Variants in JARID2 observed in about 807,000 individuals in gnomAD.
The protein encoded by JARID2 is jumonji and AT-rich interaction domain containing 2.
Under a neutral mutation model 125.6 loss-of-function variants are expected in JARID2, and 21 were observed. That is an observed-to-expected ratio of 0.17 (90% CI 0.12 to 0.24). The LOEUF is 0.24. Ranked by LOEUF, JARID2 falls within the 10% of genes least tolerant of loss-of-function variation. JARID2 has a pLI of 1.00. For missense variants in JARID2, 1,303 were observed against 1,639.6 expected (o/e 0.79, Z 3.55); for synonymous variants, 736 against 661.6 (o/e 1.11, Z -1.73).
intron 3 of JARID2, among the ~76,000 whole-genome samples, chr6:15,426,019 A>G (rs1452541492): frequency 1.3e-5 from 2 of 152,150 alleles, no homozygotes; most frequent in Non-Finnish European, 2.9e-5. Context: ...TTCTCAGCCA[A>G]TCTAATGCAG....
At chr6:15,415,154 C>G (rs952873409) in intron 3 of JARID2, among the ~76,000 whole-genome samples, 19 of 152,246 alleles carry the variant, frequency 1.2e-4, no homozygotes, top group African/African-American at 4.3e-4. Context: ...TCAACAGGAT[C>G]ACGAGGCAGA....
chr6:15,463,079 T>C (rs1488109484), intron 4 of JARID2, among the ~76,000 whole-genome samples: 1 of 143,030 alleles, frequency 7.0e-6, no homozygotes, highest in East Asian at 1.9e-4. Flanking sequence ...CAAGTTCAGA[T>C]TTTTTTTACA....
intron 4 of JARID2, among the ~76,000 whole-genome samples, chr6:15,460,939 AG>A (rs1768416806): frequency 6.6e-6 from 1 of 152,202 alleles, no homozygotes; most frequent in African/African-American, 2.4e-5. Flanking sequence ...TCCTGACCTC[AG>A]GGTATCTGCC....
chr6:15,494,581 T>G (rs1047745779), intron 6 of JARID2, among the ~76,000 whole-genome samples: 1 of 152,074 alleles, frequency 6.6e-6, no homozygotes, highest in African/African-American at 2.4e-5. Context: ...GCTAATTTTT[T>G]GTATTTTTAG....
At chr6:15,417,150 G>A (rs1766266921) in intron 3 of JARID2, among the ~76,000 whole-genome samples, 1 of 152,212 alleles carries the variant, frequency 6.6e-6, no homozygotes, top group African/African-American at 2.4e-5. Context: ...TTATCTGTGG[G>A]TGAGTAGGGG....
Position 15,497,130 on chromosome 6 carries a change from C to A in JARID2, c.1905C>A (p.Leu635=), listed in dbSNP as rs1284727342. 2.6e-6 allele frequency: 4 copies of A among 1,559,400 alleles called. No individual in the cohort carries two copies. The highest frequency in any genetic ancestry group is 2.6e-6 in the Non-Finnish European group (3 of 1,152,050). Reference sequence around the variant, plus strand: ...GGCTGGCCTGCATCAAGAAGCACCTCAAATCTCAGGGCATCACCATGGACG... The same window carrying A: ...GGCTGGCCTGCATCAAGAAGCACCTAAAATCTCAGGGCATCACCATGGACG... ...VQRLACIKKH[L]KSQGITMDEL... Residue 635 remains leucine (L), a synonymous_variant, in exon 7 of 18, where the codon CTC becomes CTA. Coordinates refer to ENST00000341776, the MANE Select transcript of JARID2 (RefSeq NM_004973.4).
chr6:15,372,772 C>G (rs991408021), intron 1 of JARID2, among the ~76,000 whole-genome samples: 1 of 151,704 alleles, frequency 6.6e-6, no homozygotes, highest in Non-Finnish European at 1.5e-5. Context: ...TGAAGTGGCA[C>G]GATCTCAGCT....
At chr6:15,329,011 T>C (rs61268125) in intron 1 of JARID2, among the ~76,000 whole-genome samples, 9,692 of 152,192 alleles carry the variant, frequency 0.064, 636 homozygotes, top group African/African-American at 0.16. Flanking sequence ...GCTTTTTTTT[T>C]CTAGTTCTTC....
intron 3 of JARID2, among the ~76,000 whole-genome samples, chr6:15,442,498 G>T (rs950680154): frequency 6.6e-6 from 1 of 152,190 alleles, no homozygotes; most frequent in Non-Finnish European, 1.5e-5. Context: ...TCTGCCTTAA[G>T]ATCTATCTGC....
At position 15,355,387 on chromosome 6, in the gene JARID2, CTAATGT is replaced by C. The variant is rs1313531828; in HGVS notation, c.46-18725_46-18720del. Among the ~76,000 whole-genome samples the C allele has an allele frequency of 2.0e-5, 3 of 152,112 alleles. No homozygotes were observed. In the East Asian group the frequency reaches 5.8e-4, roughly 29 times the overall value. ...TTTTGCCTATTAGGTGATTTTATAT[CTAATGT>C]TAATACATTCTAGAACTTTCATATG... On this transcript the variant is annotated intron_variant, in intron 1 of 17. Transcript: ENST00000341776.
At chr6:15,336,653 T>C (rs1581427281) in intron 1 of JARID2, among the ~76,000 whole-genome samples, 2 of 88,042 alleles carry the variant, frequency 2.3e-5, no homozygotes, top group East Asian at 1.3e-3. Flanking sequence ...TCAGGATTCT[T>C]TTTTTTTTTT....
Position 15,443,416 on chromosome 6 carries a change from G to A in JARID2, c.324-8590G>A, listed in dbSNP as rs541179384. 5.5e-4 allele frequency among the ~76,000 whole-genome samples: 84 copies of A among 152,306 alleles called. 2 individuals are homozygous for A. The South Asian group carries it at 0.017, about 30-fold the overall frequency. On this transcript the variant is annotated intron_variant, in intron 3 of 17. Transcript: ENST00000341776. Reference sequence around the variant, plus strand: ...TTGCTACTATTTAATCTTTAAGGGAGTAGGGGAGTGGATTTTTGGAATTGT... The same window carrying A: ...TTGCTACTATTTAATCTTTAAGGGAATAGGGGAGTGGATTTTTGGAATTGT...
At chr6:15,363,264 A>C (rs181207614) in intron 1 of JARID2, among the ~76,000 whole-genome samples, 1 of 152,338 alleles carries the variant, frequency 6.6e-6, no homozygotes, top group Admixed American at 6.5e-5. Flanking sequence ...TGCTGTTCAA[A>C]CACCAGCACT....
chr6:15,339,589 G>A (rs1354284392), intron 1 of JARID2, among the ~76,000 whole-genome samples: 4 of 148,398 alleles, frequency 2.7e-5, no homozygotes, highest in African/African-American at 9.9e-5. Context: ...AGGCCGGAGT[G>A]CAATGGTGCG....
At position 15,487,478 on chromosome 6, in the gene JARID2, A is replaced by G; in HGVS notation, c.842A>G (p.Lys281Arg). 6.2e-7 allele frequency: 1 copy of G among 1,614,172 alleles called. No individual in the cohort carries two copies. Among genetic ancestry groups the G allele is most frequent in the Non-Finnish European group, 8.5e-7 (1 of 1,180,016 alleles). ...GCCCCCTCCACGGGTTCCTCGGCCAAGGGGCTTGCTGCCACCCATCACCAC... is the reference window on the plus strand; with the variant it reads ...GCCCCCTCCACGGGTTCCTCGGCCAGGGGGCTTGCTGCCACCCATCACCAC... ...AAAPSTGSSAKGLAATHHHPP... is the reference protein window; with the variant it reads ...AAAPSTGSSARGLAATHHHPP... The change falls in exon 6 of 18, where the codon AAG (lysine) becomes AGG (arginine). Residue 281 changes from lysine (K) to arginine (R), a missense_variant. Physicochemically the swap from Lys to Arg is conservative, Grantham distance 26 (BLOSUM62 2). Transcript: ENST00000341776.
intron 15 of JARID2, 47 bp from the exon 16 acceptor site, chr6:15,513,192 A>G: frequency 5.1e-6 from 8 of 1,557,516 alleles, no homozygotes; most frequent in Non-Finnish European, 7.0e-6. Context: ...GCTGGTGAGC[A>G]TGGCAGGCCG....
At chr6:15,386,223 A>C (rs572806143) in intron 2 of JARID2, among the ~76,000 whole-genome samples, 21 of 151,040 alleles carry the variant, frequency 1.4e-4, no homozygotes, top group Admixed American at 9.9e-4. Flanking sequence ...CCAGATAGCT[A>C]TCTCTCCCTC....
chr6:15,378,267 G>C (rs1764447194), intron 2 of JARID2, among the ~76,000 whole-genome samples: 1 of 150,136 alleles, frequency 6.7e-6, no homozygotes, highest in Admixed American at 6.6e-5. Context: ...TGTTTCCACT[G>C]GTTCATTAAT....
intron 6 of JARID2, among the ~76,000 whole-genome samples, chr6:15,493,249 C>T (rs1770244819): frequency 6.6e-6 from 1 of 152,196 alleles, no homozygotes. Context: ...ACTGAGACAT[C>T]TGAGGCTTTT....
Sources: gnomAD v4.1 joint callset for allele counts (sites outside exome capture counted in the v4.1 genomes callset) on GRCh38, gnomAD v4.1.1 for gene constraint, MANE v1.5 for transcripts, NCBI Gene and HGNC (gene_info 2026-07-23, HGNC 2026-07-21) for gene names.